The following TRHDE variants were observed in gnomAD, a reference collection of about 807,000 sequenced individuals.
The protein encoded by TRHDE is thyrotropin-releasing hormone-degrading ectoenzyme.
TRHDE carries 72 observed loss-of-function variants against 125.7 expected under a neutral mutation model. The ratio of observed to expected loss-of-function variants is 0.57; its 90% CI spans 0.47 to 0.70. The LOEUF (loss-of-function observed/expected upper bound fraction) is 0.70, where lower values mean the gene tolerates loss of function less well. Ranked by LOEUF, TRHDE falls within the 30% of genes least tolerant of loss-of-function variation. The pLI, the probability that TRHDE is intolerant of heterozygous loss-of-function variation, is 0.00. For missense variants in TRHDE, 1,110 were observed against 1,327.1 expected, an observed-to-expected ratio of 0.84 and a Z score of 2.54; for synonymous variants, 509 against 509.1, an observed-to-expected ratio of 1.00 and a Z score of 0.00.
intron 2 of TRHDE, among the ~76,000 whole-genome samples, chr12:72,297,939 A>AT (rs1880365056): frequency 6.6e-6 from 1 of 152,224 alleles, no homozygotes; most frequent in African/African-American, 2.4e-5. Context: ...GGAGGAGCTT[A>AT]TAGAACCATT....
At chr12:72,130,255 A>T (rs1436702375) in intron 2 of TRHDE, among the ~76,000 whole-genome samples, 1 of 152,212 alleles carries the variant, frequency 6.6e-6, no homozygotes, top group Non-Finnish European at 1.5e-5. Context: ...GTGAGCCAAG[A>T]TCACACCGCT....
chr12:72,364,916 A>T (rs1323543598), intron 2 of TRHDE, among the ~76,000 whole-genome samples: 1 of 152,100 alleles, frequency 6.6e-6, no homozygotes, highest in African/African-American at 2.4e-5. Flanking sequence ...ACATTCTCTA[A>T]GTTTATTCTC....
intron 2 of TRHDE, among the ~76,000 whole-genome samples, chr12:72,369,809 G>A (rs886404549): frequency 6.6e-6 from 1 of 152,120 alleles, no homozygotes; most frequent in African/African-American, 2.4e-5. Flanking sequence ...AAGAGATAAA[G>A]CCTAGTAAGC....
At chr12:72,098,310 C>T (rs572407725) in intron 1 of TRHDE, among the ~76,000 whole-genome samples, 3 of 152,222 alleles carry the variant, frequency 2.0e-5, no homozygotes, top group Admixed American at 6.5e-5. Flanking sequence ...GTAGTTTTTA[C>T]CCTGTTTCCC....
intron 2 of TRHDE, among the ~76,000 whole-genome samples, chr12:72,372,403 A>G (rs1036317878): frequency 1.3e-5 from 2 of 151,958 alleles, no homozygotes; most frequent in East Asian, 1.9e-4. Flanking sequence ...ATTAGATCCC[A>G]TTTGTCAATT....
chr12:72,389,575 A>G (rs1872550978), intron 3 of TRHDE, among the ~76,000 whole-genome samples: 2 of 152,174 alleles, frequency 1.3e-5, no homozygotes, highest in African/African-American at 2.4e-5. Flanking sequence ...TGGCTTGCAG[A>G]TGGCAGCCTC....
At chr12:72,350,870 C>T (rs1000312563) in intron 2 of TRHDE, among the ~76,000 whole-genome samples, 2 of 151,974 alleles carry the variant, frequency 1.3e-5, no homozygotes, top group African/African-American at 4.8e-5. Flanking sequence ...AAAAATCTCA[C>T]AGGTGAAATT....
At chr12:72,506,137 A>G (rs1183934115) in intron 6 of TRHDE, among the ~76,000 whole-genome samples, 4 of 152,316 alleles carry the variant, frequency 2.6e-5, no homozygotes, top group African/African-American at 9.6e-5. Context: ...TGTCTCTACA[A>G]AACATTCAAA....
intron 15 of TRHDE, among the ~76,000 whole-genome samples, chr12:72,644,278 T>C (rs1378066904): frequency 1.3e-5 from 2 of 152,086 alleles, no homozygotes; most frequent in Non-Finnish European, 2.9e-5. Flanking sequence ...TCCCGGCTTC[T>C]CCCAGGGGAG....
chr12:72,578,314 G>T (rs1006533719), intron 12 of TRHDE, among the ~76,000 whole-genome samples: 8 of 152,086 alleles, frequency 5.3e-5, no homozygotes, highest in African/African-American at 1.7e-4. Flanking sequence ...ACAGCTTTTG[G>T]AGCAGGGGTG....
At chr12:72,423,280 C>G (rs895956580) in intron 3 of TRHDE, among the ~76,000 whole-genome samples, 1 of 152,158 alleles carries the variant, frequency 6.6e-6, no homozygotes, top group African/African-American at 2.4e-5. Flanking sequence ...GAATTTTCAA[C>G]TACAATATTT....
intron 2 of TRHDE, among the ~76,000 whole-genome samples, chr12:72,212,137 A>AT (rs910166575): frequency 1.3e-5 from 2 of 151,288 alleles, no homozygotes; most frequent in African/African-American, 2.4e-5. Context: ...ATTTTGTTTT[A>AT]TTTTTTTTCA....
In TRHDE at chr12:72,575,296, C is replaced by T; in HGVS notation, c.2173C>T (p.Leu725=). ...ITYLDKGSWL[L]GNINQTGYFR... The stretch of plus-strand genomic sequence containing the variant: ...TTATTTGGACAAAGGAAGCTGGCTG[C>T]TGGGGAACATCAATCAAACTGGCTA... Residue 725 remains leucine, a synonymous_variant, in exon 11 of 19, where the codon CTG becomes TTG. Coordinates refer to ENST00000261180, the MANE Select transcript of TRHDE (RefSeq NM_013381.3). The T allele has an allele frequency of 6.2e-7, 1 of 1,613,460 alleles. No homozygotes were observed. The highest frequency in any genetic ancestry group is 8.5e-7 in the Non-Finnish European group (1 of 1,179,680).
intron 2 of TRHDE, among the ~76,000 whole-genome samples, chr12:72,144,253 C>G (rs1303356057): frequency 6.6e-6 from 1 of 152,180 alleles, no homozygotes; most frequent in Admixed American, 6.5e-5. Context: ...GTGTTTTTTG[C>G]CAGACTCTGT....
chr12:72,653,185 G>C (rs1189902623), intron 17 of TRHDE, 29 bp downstream of exon 17: 2 of 1,587,992 alleles, frequency 1.3e-6, no homozygotes, highest in East Asian at 4.5e-5. Context: ...ACTTGAATGA[G>C]TAAATTAAAG....
chr12:72,252,761 T>G (rs1307904942), intron 2 of TRHDE, among the ~76,000 whole-genome samples: 3 of 152,152 alleles, frequency 2.0e-5, no homozygotes, highest in African/African-American at 7.2e-5. Context: ...TCTTCCAATT[T>G]GTGACTATAG....
intron 7 of TRHDE, among the ~76,000 whole-genome samples, chr12:72,547,920 A>G (rs1348095741): frequency 2.0e-5 from 3 of 151,784 alleles, no homozygotes; most frequent in African/African-American, 7.2e-5. Flanking sequence ...TATCTTTAGC[A>G]CCTCATTTTT....
At chr12:72,310,698 G>C (rs1868503193) in intron 2 of TRHDE, among the ~76,000 whole-genome samples, 1 of 152,012 alleles carries the variant, frequency 6.6e-6, no homozygotes, top group Non-Finnish European at 1.5e-5. Context: ...ATATTGGCGA[G>C]AAGGCAGCCA....
At chr12:72,547,441 A>AAT (rs1421758713) in intron 7 of TRHDE, among the ~76,000 whole-genome samples, 3 of 151,840 alleles carry the variant, frequency 2.0e-5, no homozygotes, top group Non-Finnish European at 4.4e-5. Context: ...CAGTACCAGT[A>AAT]ATATATAAAA....
Sources: allele counts gnomAD v4.1 joint callset (sites outside exome capture counted in the v4.1 genomes callset), GRCh38; gene constraint gnomAD v4.1.1; transcripts MANE v1.5; gene names NCBI Gene and HGNC (gene_info 2026-07-23, HGNC 2026-07-21).